The following IFRD1 variants were observed in gnomAD, a reference collection of about 807,000 sequenced individuals.
The protein encoded by IFRD1 is interferon related developmental regulator 1.
Under a neutral mutation model 52.9 loss-of-function variants are expected in IFRD1, and 35 were observed. The observed-to-expected ratio is 0.66, with a 90% confidence interval of 0.51 to 0.88. The LOEUF is 0.88. Among genes scored for constraint, IFRD1 ranks in the 40% least tolerant of loss-of-function variants. IFRD1 has a pLI of 0.00. For missense variants in IFRD1, 517 were observed against 550.8 expected, an observed-to-expected ratio of 0.94 and a Z score of 0.61; for synonymous variants, 184 against 188.4, an observed-to-expected ratio of 0.98 and a Z score of 0.19.
chr7:112,450,694 G>A lies in IFRD1; in HGVS notation c.6G>A (p.Pro2=), dbSNP rs990262499. The A allele has an allele frequency of 6.2e-6, 10 of 1,612,644 alleles. No homozygotes were observed. The Admixed American group carries it at 1.5e-4, about 24-fold the overall frequency. The part of the protein sequence containing the change: M[P]KNKKRNTPHR... ...GCGGCACCGGGCGTCCCACGATGCC[G>A]AAGAACAAGAAGCGGAACACTCCCC... The change falls in exon 1 of 12, where the codon CCG becomes CCA. Residue 2 remains proline (P), a synonymous_variant. Transcript: ENST00000403825.
intron 3 of IFRD1, among the ~76,000 whole-genome samples, chr7:112,456,593 C>G (rs916302000): frequency 1.3e-5 from 2 of 152,038 alleles, no homozygotes; most frequent in Non-Finnish European, 2.9e-5. Context: ...TGTAAATTTA[C>G]TTAAATATGT....
chr7:112,462,225 A>G (rs1208216664), intron 7 of IFRD1, 45 bp from the exon 8 acceptor site: 2 of 1,609,060 alleles, frequency 1.2e-6, no homozygotes, highest in South Asian at 1.1e-5. Context: ...CATTTAGTGG[A>G]CATAATTGGT....
chr7:112,429,535 T>C (rs10215841), intron 1 of IFRD1, among the ~76,000 whole-genome samples: 6,269 of 152,286 alleles, frequency 0.041, 321 homozygotes, highest in African/African-American at 0.12. Context: ...GTTCACCACA[T>C]TGCCACCTGA....
intron 11 of IFRD1, among the ~76,000 whole-genome samples, chr7:112,474,495 A>G (rs768764447): frequency 6.6e-6 from 1 of 152,222 alleles, no homozygotes; most frequent in Non-Finnish European, 1.5e-5. Context: ...TCAGTTTTAT[A>G]TCCACATAAT....
chr7:112,451,367 C>T (rs1374032280), intron 1 of IFRD1, among the ~76,000 whole-genome samples: 1 of 152,180 alleles, frequency 6.6e-6, no homozygotes, highest in Non-Finnish European at 1.5e-5. Flanking sequence ...GGGGGGACCA[C>T]TTTCTCCCCC....
intron 1 of IFRD1, among the ~76,000 whole-genome samples, chr7:112,439,187 G>A (rs1046837390): frequency 2.0e-5 from 3 of 152,234 alleles, no homozygotes; most frequent in African/African-American, 4.8e-5. Context: ...ACAGAATTCT[G>A]TGGAGGCGGA....
At chr7:112,451,094 T>G in intron 1 of IFRD1, 2 of 332,508 alleles carry the variant, frequency 6.0e-6, no homozygotes, top group Non-Finnish European at 5.7e-6. Flanking sequence ...ATTGTCAGAG[T>G]TCCTTTCTCG....
chr7:112,450,364 T>G, upstream of IFRD1: 1 of 373,904 alleles, frequency 2.7e-6, no homozygotes, highest in Non-Finnish European at 5.1e-6. Context: ...AGTGGGGAGG[T>G]GTGCAGGGAT....
intron 8 of IFRD1, among the ~76,000 whole-genome samples, chr7:112,464,453 A>C (rs1442164951): frequency 1.3e-5 from 2 of 152,090 alleles, no homozygotes; most frequent in Non-Finnish European, 2.9e-5. Context: ...TGTTCTGCCT[A>C]CCTTCGGATC....
At chr7:112,429,633 CATA>C (rs1045533458) in intron 1 of IFRD1, among the ~76,000 whole-genome samples, 1 of 152,192 alleles carries the variant, frequency 6.6e-6, no homozygotes, top group African/African-American at 2.4e-5. Flanking sequence ...GATTTCTTCC[CATA>C]ATGTCCCGTC....
intron 8 of IFRD1, among the ~76,000 whole-genome samples, chr7:112,466,689 A>G (rs953742632): frequency 6.6e-5 from 10 of 152,156 alleles, no homozygotes; most frequent in African/African-American, 2.2e-4. Context: ...TTAAATTTTG[A>G]TTTATTCTTC....
Position 112,450,466 on chromosome 7 carries a change from G to A in IFRD1, c.-223G>A, listed in dbSNP as rs1795124364. On this transcript the variant is annotated 5_prime_UTR_variant, in exon 1 of 12. Transcript: ENST00000403825. ...TCGTGGCCTCCCCTGCCCCGCCTTAGCTCCCGCGCTAGAGAGAAACATGTA... is the reference window on the plus strand; with the variant it reads ...TCGTGGCCTCCCCTGCCCCGCCTTAACTCCCGCGCTAGAGAGAAACATGTA... The A allele has an allele frequency of 2.4e-5, 14 of 583,950 alleles. No individual in the cohort carries two copies. The highest frequency in any genetic ancestry group is 4.5e-4 in the Middle Eastern group (1 of 2,202). 36.2% of individuals were successfully genotyped at this position (583,950 alleles called of 1,614,324 possible). A position where few individuals can be genotyped will look rare whatever the true frequency, so the allele number is the denominator to read the frequency against.
chr7:112,454,599 C>G (rs1795242341), intron 1 of IFRD1, among the ~76,000 whole-genome samples: 1 of 152,104 alleles, frequency 6.6e-6, no homozygotes, highest in Admixed American at 6.5e-5. Context: ...CTATTTTAAG[C>G]CTTTTTTGTC....
intron 1 of IFRD1, among the ~76,000 whole-genome samples, chr7:112,451,486 T>C (rs1487130893): frequency 6.6e-6 from 1 of 152,176 alleles, no homozygotes; most frequent in African/African-American, 2.4e-5. Context: ...AAACGCGTTC[T>C]CCTTTGTGCT....
At chr7:112,429,395 A>G (rs1463236864) in intron 1 of IFRD1, among the ~76,000 whole-genome samples, 1 of 152,250 alleles carries the variant, frequency 6.6e-6, no homozygotes, top group East Asian at 1.9e-4. Flanking sequence ...TAGAATGTTC[A>G]TTCAGATGTA....
rs577289441 is a variant in IFRD1 at position 112,476,291 on chromosome 7, A to T, written c.*772A>T. The T allele has an allele frequency of 1.3e-5, 2 of 152,364 alleles. No individual in the cohort carries two copies. The highest frequency in any genetic ancestry group is 3.9e-4 in the East Asian group (2 of 5,192). 9.4% of individuals were successfully genotyped at this position (152,364 alleles called of 1,614,324 possible). ...GGCAGGGAGACAAAGCTTTATGTGTATATTTACAAACATTAAAGTAGATGA... is the reference window on the plus strand; with the variant it reads ...GGCAGGGAGACAAAGCTTTATGTGTTTATTTACAAACATTAAAGTAGATGA... On this transcript the variant is annotated 3_prime_UTR_variant, in exon 12 of 12. Coordinates refer to ENST00000403825, the MANE Select transcript of IFRD1 (RefSeq NM_001550.4).
intron 8 of IFRD1, among the ~76,000 whole-genome samples, chr7:112,465,859 A>G (rs976934720): frequency 9.2e-5 from 14 of 152,176 alleles, no homozygotes; most frequent in Non-Finnish European, 1.9e-4. Context: ...TATACCTCCA[A>G]GTCTAGAATA....
chr7:112,463,868 ACACACACACACACACACACACACACAC>A (rs1795533372), intron 8 of IFRD1, among the ~76,000 whole-genome samples: 1 of 42,756 alleles, frequency 2.3e-5, no homozygotes, highest in South Asian at 5.6e-4. Context: ...ACACACACAC[ACACACACACACACACACACACACACAC>A]CCCACGTATC....
At chr7:112,449,825 TTG>T (rs1491472641), upstream of IFRD1, among the ~76,000 whole-genome samples, 20 of 11,164 alleles carry the variant, frequency 1.8e-3, no homozygotes, top group East Asian at 0.015. Context: ...ATCCCTTTTT[TTG>T]GGGGGGGGGG....
Sources: allele counts gnomAD v4.1 joint callset (sites outside exome capture counted in the v4.1 genomes callset), GRCh38; gene constraint gnomAD v4.1.1; transcripts MANE v1.5; gene names NCBI Gene and HGNC (gene_info 2026-07-23, HGNC 2026-07-21).